The following CSDC2 variants were observed in gnomAD, a reference collection of about 807,000 sequenced individuals.
CSDC2 encodes cold shock domain containing C2, also known as cold shock domain-containing protein C2.
CSDC2 carries 8 observed loss-of-function variants against 15.8 expected under a neutral mutation model. That is an observed-to-expected ratio of 0.51 (90% CI 0.30 to 0.92). CSDC2 has a LOEUF of 0.92. Ranked by LOEUF, CSDC2 falls within the 40% of genes least tolerant of loss-of-function variation. The pLI is 0.07. For synonymous variants in CSDC2, 96 were observed against 92.3 expected (o/e 1.04, Z -0.23); for missense variants, 195 against 213.3 (o/e 0.91, Z 0.53).
chr22:41,568,392 T>C (rs1476551625), intron 1 of CSDC2, among the ~76,000 whole-genome samples: 1 of 152,156 alleles, frequency 6.6e-6, no homozygotes, highest in Non-Finnish European at 1.5e-5. Context: ...CAAGCAATCC[T>C]GCTGCCTCAG....
At chr22:41,569,275 T>C (rs1403105592) in intron 1 of CSDC2, among the ~76,000 whole-genome samples, 4 of 152,238 alleles carry the variant, frequency 2.6e-5, no homozygotes, top group Non-Finnish European at 4.4e-5. Context: ...ACAGCTTTAC[T>C]GAGATATCGT....
chr22:41,561,506 G>A (rs117705111), intron 1 of CSDC2, among the ~76,000 whole-genome samples: 3,615 of 152,286 alleles, frequency 0.024, 75 homozygotes, highest in Non-Finnish European at 0.033. Context: ...GGGAAGCAGC[G>A]GGAGAGAGGA....
At chr22:41,573,120 G>A (rs1028566464) in intron 2 of CSDC2, among the ~76,000 whole-genome samples, 4 of 152,246 alleles carry the variant, frequency 2.6e-5, no homozygotes, top group African/African-American at 9.6e-5. Context: ...CGAGACAGGT[G>A]GATCAGTTAA....
Position 41,574,996 on chromosome 22 carries a change from T to A in CSDC2, c.*101T>A. On this transcript the variant is annotated 3_prime_UTR_variant, in exon 4 of 4. Transcript: ENST00000306149. ...CCCCACTGCCCTGGCTGATGAGTCC[T>A]TCGGTGGCCTCAGTGTGCACGTCTG... 2 of 1,343,784 alleles carry A rather than the reference T, an allele frequency of 1.5e-6. No homozygotes were observed. The highest frequency in any genetic ancestry group is 2.0e-6 in the Non-Finnish European group (2 of 989,378). 83.2% of individuals were successfully genotyped at this position (1,343,784 alleles called of 1,614,324 possible).
intron 1 of CSDC2, among the ~76,000 whole-genome samples, chr22:41,565,281 C>G (rs2067108103): frequency 6.6e-6 from 1 of 151,598 alleles, no homozygotes; most frequent in African/African-American, 2.4e-5. Context: ...GAAACCCCAT[C>G]TCTACTAAAA....
rs6002409 is a variant in CSDC2, at chr22:41,573,369, A to T, written c.177-286A>T. ...GACCCTGTCTCAAAAAAAAAAAAAA[A>T]TTTTTTTTGTAGAGATGGGAGTCTC... is the stretch of plus-strand genomic sequence containing the variant. On this transcript the variant is annotated intron_variant, in intron 2 of 3. Coordinates refer to ENST00000306149, the MANE Select transcript of CSDC2 (RefSeq NM_014460.4). 0.26 allele frequency among the ~76,000 whole-genome samples: 39,217 copies of T among 150,716 alleles called. 5,838 individuals are homozygous for T. The highest frequency in any genetic ancestry group is 0.44 in the Admixed American group (6,692 of 15,154).
intron 2 of CSDC2, 45 bp downstream of exon 2, chr22:41,572,186 A>G: frequency 7.9e-7 from 1 of 1,262,178 alleles, no homozygotes; most frequent in South Asian, 3.7e-5. Flanking sequence ...TTGTCAGGAC[A>G]GGGGCTGACC....
At chr22:41,568,794 C>A (rs2145598650) in intron 1 of CSDC2, among the ~76,000 whole-genome samples, 1 of 152,380 alleles carries the variant, frequency 6.6e-6, no homozygotes, top group African/African-American at 2.4e-5. Context: ...GGTCTCTCTG[C>A]CACCTGAGAG....
chr22:41,561,742 T>C (rs1459520825), intron 1 of CSDC2, among the ~76,000 whole-genome samples: 1 of 152,152 alleles, frequency 6.6e-6, no homozygotes, highest in Non-Finnish European at 1.5e-5. Flanking sequence ...GTGTGGTTAT[T>C]CTCTTCCCCC....
rs974873354 is a variant in CSDC2 at position 41,575,410 on chromosome 22, C to A, written c.*515C>A. ...CGATGGGTGCTTTTGGGGAGCCTCT[C>A]AGCCTCTGGCAGGGGAGGAGGACTG... On this transcript the variant is annotated 3_prime_UTR_variant, in exon 4 of 4. Coordinates refer to ENST00000306149, the MANE Select transcript of CSDC2 (RefSeq NM_014460.4). 6.4e-5 allele frequency: 10 copies of A among 156,948 alleles called. No homozygotes were observed. Among genetic ancestry groups the A allele is most frequent in the Non-Finnish European group, 1.1e-4 (8 of 71,120 alleles). The allele number at this position is 156,948 out of a possible 1,614,324, so 9.7% of individuals were successfully genotyped here.
At chr22:41,568,518 T>C (rs1206063231) in intron 1 of CSDC2, among the ~76,000 whole-genome samples, 1 of 152,198 alleles carries the variant, frequency 6.6e-6, no homozygotes, top group Non-Finnish European at 1.5e-5. Flanking sequence ...CTCCTGGGCT[T>C]AAAAGATCCT....
At chr22:41,564,997 C>T (rs957872661) in intron 1 of CSDC2, among the ~76,000 whole-genome samples, 4 of 152,082 alleles carry the variant, frequency 2.6e-5, no homozygotes, top group African/African-American at 7.2e-5. Flanking sequence ...GAAACTCTGT[C>T]TCTACTAAAA....
intron 1 of CSDC2, among the ~76,000 whole-genome samples, chr22:41,566,311 G>A (rs2067113886): frequency 1.3e-5 from 2 of 151,904 alleles, no homozygotes; most frequent in Non-Finnish European, 2.9e-5. Context: ...GGGCGTGGTG[G>A]CACACGCCTG....
Position 41,574,975 on chromosome 22 carries a change from A to G in CSDC2, c.*80A>G. The G allele has an allele frequency of 1.4e-6, 2 of 1,479,566 alleles. No homozygotes were observed. Among genetic ancestry groups the G allele is most frequent in the Non-Finnish European group, 1.8e-6 (2 of 1,100,196 alleles). 91.7% of individuals were successfully genotyped at this position (1,479,566 alleles called of 1,614,324 possible). A position where few individuals can be genotyped will look rare whatever the true frequency, so the allele number is the denominator to read the frequency against. The stretch of plus-strand genomic sequence containing the variant: ...CGGGCAGCAGCCGGCTCCATGCCCC[A>G]CTGCCCTGGCTGATGAGTCCTTCGG... On this transcript the variant is annotated 3_prime_UTR_variant, in exon 4 of 4. Coordinates refer to ENST00000306149, the MANE Select transcript of CSDC2 (RefSeq NM_014460.4).
chr22:41,570,931 C>T (rs750200336), intron 1 of CSDC2, among the ~76,000 whole-genome samples: 2 of 145,488 alleles, frequency 1.4e-5, no homozygotes, highest in Non-Finnish European at 3.0e-5. Context: ...ATGGAGGCTG[C>T]AGTGAGTCAT....
intron 1 of CSDC2, among the ~76,000 whole-genome samples, chr22:41,564,408 C>A (rs1380753618): frequency 1.3e-5 from 2 of 152,010 alleles, no homozygotes; most frequent in Non-Finnish European, 2.9e-5. Flanking sequence ...CTACAGGTGC[C>A]TGCCACCACG....
chr22:41,575,040 T>C lies in CSDC2; in HGVS notation c.*145T>C. On this transcript the variant is annotated 3_prime_UTR_variant, in exon 4 of 4. Coordinates refer to ENST00000306149, the MANE Select transcript of CSDC2 (RefSeq NM_014460.4). ...ACGTCTGTCTGTCCGTCTGTGCTTG[T>C]GGCTATGAGCGTGTGCCTCCACCCA... is the stretch of plus-strand genomic sequence containing the variant. The C allele has an allele frequency of 9.9e-7, 1 of 1,013,662 alleles. No individual in the cohort carries two copies. Among genetic ancestry groups the C allele is most frequent in the Non-Finnish European group, 1.4e-6 (1 of 705,932 alleles). The allele number at this position is 1,013,662 out of a possible 1,614,324, so 62.8% of individuals were successfully genotyped here.
At chr22:41,574,675 G>C in intron 3 of CSDC2, 58 bp from the exon 4 acceptor site, 3 of 1,586,824 alleles carry the variant, frequency 1.9e-6, no homozygotes, top group Non-Finnish European at 2.6e-6. Context: ...CCAGGCCACA[G>C]GATTGTCTGG....
chr22:41,562,632 G>A (rs527674351), intron 1 of CSDC2, among the ~76,000 whole-genome samples: 1 of 152,262 alleles, frequency 6.6e-6, no homozygotes, highest in South Asian at 2.1e-4. Flanking sequence ...GCCCCCTAGG[G>A]GGTAGAGGGC....
Sources: gnomAD v4.1 joint callset for allele counts (sites outside exome capture counted in the v4.1 genomes callset) on GRCh38, gnomAD v4.1.1 for gene constraint, MANE v1.5 for transcripts, NCBI Gene and HGNC (gene_info 2026-07-23, HGNC 2026-07-21) for gene names.